Variants in PPEF1 observed in about 807,000 individuals in gnomAD.
PPEF1 encodes the protein protein phosphatase with EF-hand domain 1, also known as serine/threonine-protein phosphatase with EF-hands 1.
A neutral mutation model predicts 53.3 loss-of-function variants in PPEF1; 12 were observed. That is an observed-to-expected ratio of 0.23 (90% CI 0.14 to 0.36). The LOEUF (loss-of-function observed/expected upper bound fraction) is 0.36. PPEF1 is among the 10% of genes least tolerant of loss of function. The pLI is 1.00. For missense variants in PPEF1, 334 were observed against 490.4 expected, an observed-to-expected ratio of 0.68 and a Z score of 3.01; for synonymous variants, 165 against 176.7, an observed-to-expected ratio of 0.93 and a Z score of 0.52.
At chrX:18,785,767 A>G (rs2147609774) in intron 9 of PPEF1, among the ~76,000 whole-genome samples, 1 of 110,730 alleles carries the variant, frequency 9.0e-6, no homozygotes, top group Non-Finnish European at 1.9e-5. Flanking sequence ...CTGTGGTCCC[A>G]GCTACTTGGG....
At chrX:18,776,970 T>C (rs1602439991) in intron 6 of PPEF1, among the ~76,000 whole-genome samples, 1 of 112,573 alleles carries the variant, frequency 8.9e-6, no homozygotes, top group South Asian at 3.7e-4. Flanking sequence ...AATAACATGG[T>C]CATAATAAAA....
chrX:18,708,271 C>T (rs182767842), intron 1 of PPEF1, among the ~76,000 whole-genome samples: 35 of 111,897 alleles, frequency 3.1e-4, no homozygotes, highest in Non-Finnish European at 5.8e-4. Flanking sequence ...ATGAGATTTG[C>T]ATCACGTTTT....
chrX:18,680,761 TC>T (rs1477145334), upstream of PPEF1, among the ~76,000 whole-genome samples: 1 of 60,016 alleles, frequency 1.7e-5, no homozygotes, highest in African/African-American at 6.4e-5. Flanking sequence ...ATGCTATCCC[TC>T]CCCCTCCCCC....
intron 1 of PPEF1, among the ~76,000 whole-genome samples, chrX:18,711,246 A>C (rs2044319685): frequency 9.6e-6 from 1 of 104,160 alleles, no homozygotes; most frequent in Non-Finnish European, 2.0e-5. Context: ...TTCTCACTTA[A>C]AAGTGGGAGC....
chrX:18,803,696 C>T (rs1416877063), intron 10 of PPEF1, among the ~76,000 whole-genome samples, 196 bp from the exon 11 acceptor site: 1 of 111,921 alleles, frequency 8.9e-6, no homozygotes, highest in Non-Finnish European at 1.9e-5. Context: ...GCCTCAAGCA[C>T]TCCTCCCACC....
intron 4 of PPEF1, chrX:18,691,480 A>G (rs1929380024): frequency 8.9e-6 from 1 of 111,923 alleles, no homozygotes; most frequent in Non-Finnish European, 1.9e-5. Context: ...ATGGTCTTGC[A>G]AGGTGACTCC....
intron 3 of PPEF1, among the ~76,000 whole-genome samples, chrX:18,734,948 A>G (rs1405015364): frequency 8.9e-6 from 1 of 111,864 alleles, no homozygotes; most frequent in African/African-American, 3.3e-5. Flanking sequence ...ATCTGTTCAT[A>G]TCCTTTGCCC....
intron 2 of PPEF1, among the ~76,000 whole-genome samples, chrX:18,730,846 C>G (rs894125688): frequency 3.6e-5 from 4 of 109,824 alleles, no homozygotes; most frequent in Non-Finnish European, 7.6e-5. Context: ...TCCCGAGTAG[C>G]TAGGATTATA....
chrX:18,777,130 A>G (rs1033088591), intron 6 of PPEF1, among the ~76,000 whole-genome samples: 2 of 112,330 alleles, frequency 1.8e-5, no homozygotes, highest in African/African-American at 6.5e-5. Flanking sequence ...TAAAGGTTAC[A>G]TAACTTGCCC....
intron 10 of PPEF1, among the ~76,000 whole-genome samples, chrX:18,796,441 G>A (rs746709487): frequency 1.8e-5 from 2 of 112,518 alleles, no homozygotes; most frequent in South Asian, 7.2e-4. Context: ...AGTAGCTTTC[G>A]TTTTCAGATA....
In PPEF1 at chrX:18,806,499, C is replaced by T; in HGVS notation, c.1348C>T (p.Gln450Ter). 8.3e-7 allele frequency: 1 copy of T among 1,210,046 alleles called. No individual in the cohort carries two copies. Among genetic ancestry groups the T allele is most frequent in the Non-Finnish European group, 1.1e-6 (1 of 894,340 alleles). ...LCSGTTPRFF[Q>*]YQVTKATCFQ... ...TTCTGGTACAACTCCTCGATTTTTC[C>T]AGTACCAAGTAACTAAAGCAACGTG... is the stretch of plus-strand genomic sequence containing the variant. Residue 450 changes from glutamine to a stop codon, truncating the protein, a stop_gained, in exon 12 of 16, where the codon CAG (glutamine) becomes TAG (stop). Coordinates refer to ENST00000470157, the MANE Select transcript of PPEF1 (RefSeq NM_001377996.1). LOFTEE classifies it high-confidence loss of function.
At chrX:18,680,594 A>C (rs1395728572), upstream of PPEF1, among the ~76,000 whole-genome samples, 1 of 108,798 alleles carries the variant, frequency 9.2e-6, no homozygotes, top group Non-Finnish European at 1.9e-5. Flanking sequence ...ACGCCCAGCT[A>C]ATTTATATAT....
At chrX:18,714,461 C>T (rs1008093629) in intron 1 of PPEF1, among the ~76,000 whole-genome samples, 129 of 110,096 alleles carry the variant, frequency 1.2e-3, no homozygotes, top group Non-Finnish European at 2.0e-3. Context: ...TTAGTAGAGG[C>T]GGGGCTTCAC....
chrX:18,761,641 CAATATT>C (rs759479391), intron 6 of PPEF1, 65 bp downstream of exon 6: 2 of 853,205 alleles, frequency 2.3e-6, no homozygotes, highest in Non-Finnish European at 3.5e-6. Context: ...GGGCAGATAA[CAATATT>C]AGTTTTACTA....
At chrX:18,683,265 G>T (rs1345131792) in intron 1 of PPEF1, among the ~76,000 whole-genome samples, 1 of 111,397 alleles carries the variant, frequency 9.0e-6, no homozygotes, top group South Asian at 3.8e-4. Context: ...ACAGCAGGGC[G>T]CTTGCTCACG....
intron 12 of PPEF1, among the ~76,000 whole-genome samples, chrX:18,815,903 AT>A (rs201428145): frequency 2.9e-4 from 28 of 95,171 alleles, no homozygotes; most frequent in East Asian, 2.0e-3. Flanking sequence ...TTATTTATTT[AT>A]TTTTTTTTTT....
At chrX:18,683,253 G>C (rs938387325) in intron 1 of PPEF1, among the ~76,000 whole-genome samples, 8 of 111,620 alleles carry the variant, frequency 7.2e-5, no homozygotes, top group Non-Finnish European at 1.1e-4. Context: ...TAGTTCTCAT[G>C]TACAGCAGGG....
At chrX:18,823,895 A>G in intron 13 of PPEF1, 28 bp from the exon 14 acceptor site, 1 of 1,195,372 alleles carries the variant, frequency 8.4e-7, no homozygotes, top group Non-Finnish European at 1.1e-6. Context: ...TTAACAAATC[A>G]TTTGGGCTTT....
At chrX:18,778,830 TGC>T (rs2046023154) in intron 6 of PPEF1, among the ~76,000 whole-genome samples, 178 bp from the exon 7 acceptor site, 2 of 111,215 alleles carry the variant, frequency 1.8e-5, no homozygotes, top group African/African-American at 6.5e-5. Flanking sequence ...TCAGGGCCTT[TGC>T]AGGAGATGCC....
Sources: allele counts gnomAD v4.1 joint callset (sites outside exome capture counted in the v4.1 genomes callset), GRCh38; gene constraint gnomAD v4.1.1; transcripts MANE v1.5; gene names NCBI Gene and HGNC (gene_info 2026-07-23, HGNC 2026-07-21).